The following FMNL2 variants were observed in gnomAD, a reference collection of about 807,000 sequenced individuals.
The protein encoded by FMNL2 is formin-like protein 2.
In FMNL2, 51 loss-of-function variants were observed where a neutral mutation model predicts 130.2. The observed-to-expected ratio is 0.39, with a 90% CI of 0.31 to 0.49. The LOEUF is 0.49. Ranked by LOEUF, FMNL2 falls within the 20% of genes least tolerant of loss-of-function variation. The pLI, the probability that FMNL2 is intolerant of heterozygous loss-of-function variation, is 0.85. For synonymous variants in FMNL2, 465 were observed against 467.1 expected, an observed-to-expected ratio of 1.00 and a Z score of 0.06; for missense variants, 977 against 1,316.2, an observed-to-expected ratio of 0.74 and a Z score of 3.99.
At position 152,603,399 on chromosome 2, in the gene FMNL2, G is replaced by GTTT. The variant is rs138427461; in HGVS notation, c.877-3925_877-3923dup. Among the ~76,000 whole-genome samples, 102 of 135,172 alleles carry GTTT rather than the reference G, an allele frequency of 7.5e-4. 3 individuals carry two copies. The South Asian group carries it at 8.8e-3, about 12-fold the overall frequency. The allele number at this position is 135,172 out of a possible 152,430, so 88.7% of individuals were successfully genotyped here. A position where few individuals can be genotyped will look rare whatever the true frequency, so the allele number is the denominator to read the frequency against. Reference sequence around the variant, plus strand: ...TGTAAATAAGAAGATATTTAAGTCTGTTTTTTTTTTTTTTTTTAAGATTAG... The same window carrying GTTT: ...TGTAAATAAGAAGATATTTAAGTCTGTTTTTTTTTTTTTTTTTTTTAAGATTAG... On this transcript the variant is annotated intron_variant, in intron 9 of 25. Coordinates refer to ENST00000288670, the MANE Select transcript of FMNL2 (RefSeq NM_052905.4).
At chr2:152,379,484 A>C (rs1362163632) in intron 1 of FMNL2, among the ~76,000 whole-genome samples, 1 of 152,200 alleles carries the variant, frequency 6.6e-6, no homozygotes, top group Non-Finnish European at 1.5e-5. Context: ...TGTTTAACTA[A>C]GCAAAGTGTT....
chr2:152,442,719 T>G (rs917212032), intron 1 of FMNL2, among the ~76,000 whole-genome samples: 1 of 152,350 alleles, frequency 6.6e-6, no homozygotes, highest in Non-Finnish European at 1.5e-5. Flanking sequence ...AATTTGACCT[T>G]TAATGTAGGA....
intron 1 of FMNL2, among the ~76,000 whole-genome samples, chr2:152,463,936 GTA>G (rs1279345102): frequency 6.6e-6 from 1 of 152,104 alleles, no homozygotes; most frequent in Non-Finnish European, 1.5e-5. Context: ...TTGTGTGTGT[GTA>G]TGTGTGTGTT....
At chr2:152,532,858 T>C (rs1387240158) in intron 2 of FMNL2, among the ~76,000 whole-genome samples, 1 of 152,198 alleles carries the variant, frequency 6.6e-6, no homozygotes, top group African/African-American at 2.4e-5. Flanking sequence ...TCCACCCGCC[T>C]TGGCCTCCCA....
At chr2:152,580,793 C>A (rs1372972665) in intron 8 of FMNL2, among the ~76,000 whole-genome samples, 163 bp from the exon 9 acceptor site, 1 of 152,112 alleles carries the variant, frequency 6.6e-6, no homozygotes, top group East Asian at 1.9e-4. Context: ...ATGTAGTAGT[C>A]AGTAAAGGTT....
At chr2:152,336,122 C>CAAA (rs779093251) in intron 1 of FMNL2, among the ~76,000 whole-genome samples, 12 of 137,232 alleles carry the variant, frequency 8.7e-5, no homozygotes, top group East Asian at 4.2e-4. Flanking sequence ...CAAAACAAAA[C>CAAA]ACCCTGAGCC....
At chr2:152,542,896 T>C (rs1694393059) in intron 3 of FMNL2, 77 bp downstream of exon 3, 2 of 1,486,812 alleles carry the variant, frequency 1.3e-6, no homozygotes, top group Non-Finnish European at 1.9e-6. Flanking sequence ...GGAAGAGACC[T>C]TCCTTCCTCT....
chr2:152,461,837 A>G lies in FMNL2; in HGVS notation c.118-60106A>G, dbSNP rs144581028. Among the ~76,000 whole-genome samples, 1,140 of 152,030 alleles carry G rather than the reference A, an allele frequency of 7.5e-3. 8 individuals are homozygous for G. The highest frequency in any genetic ancestry group is 0.013 in the Non-Finnish European group (912 of 68,018). ...TCTAATAGAACTTTCTGTGATGAAA[A>G]TGTGCAATGTTGGCACAGTCCAGTC... On this transcript the variant is annotated intron_variant, in intron 1 of 25. Coordinates refer to ENST00000288670, the MANE Select transcript of FMNL2 (RefSeq NM_052905.4).
chr2:152,543,328 A>G (rs556171630), intron 3 of FMNL2, among the ~76,000 whole-genome samples: 262 of 152,176 alleles, frequency 1.7e-3, no homozygotes, highest in African/African-American at 6.1e-3. Flanking sequence ...TCCATTCTCA[A>G]CAGACTCTCC....
At chr2:152,496,924 T>C (rs1691547050) in intron 1 of FMNL2, among the ~76,000 whole-genome samples, 1 of 152,050 alleles carries the variant, frequency 6.6e-6, no homozygotes, top group East Asian at 1.9e-4. Context: ...TTTCTTTTCC[T>C]GCTCCAGCCC....
At chr2:152,377,032 G>C (rs1193529984) in intron 1 of FMNL2, among the ~76,000 whole-genome samples, 2 of 152,212 alleles carry the variant, frequency 1.3e-5, no homozygotes, top group African/African-American at 4.8e-5. Context: ...ATAGATCTGG[G>C]ATGGAAGCCT....
At chr2:152,578,447 T>C (rs1696594121) in intron 7 of FMNL2, among the ~76,000 whole-genome samples, 1 of 152,212 alleles carries the variant, frequency 6.6e-6, no homozygotes, top group Non-Finnish European at 1.5e-5. Context: ...ATGTTTTGTT[T>C]AGTCTTCCAG....
At chr2:152,595,436 T>C (rs1462673516) in intron 9 of FMNL2, among the ~76,000 whole-genome samples, 1 of 152,160 alleles carries the variant, frequency 6.6e-6, no homozygotes, top group Non-Finnish European at 1.5e-5. Flanking sequence ...TTCTCATGCC[T>C]CAGGCTCCTG....
At position 152,618,953 on chromosome 2, in the gene FMNL2, G is replaced by T; in HGVS notation, c.1422G>T (p.Glu474Asp). ...RQSTLEKKIH[E>D]LEKQGTIKIQ... ...CTACCCTGGAAAAAAAGATTCATGA[G>T]CTAGAGAAACAAGGGACCATTAAAA... The change falls in exon 14 of 26, where the codon GAG becomes GAT. Residue 474 changes from glutamate to aspartate, a missense_variant. By Grantham distance (45) the Glu-to-Asp change is conservative (BLOSUM62 2). Coordinates refer to ENST00000288670, the MANE Select transcript of FMNL2 (RefSeq NM_052905.4). 6.2e-7 allele frequency: 1 copy of T among 1,614,050 alleles called. No individual in the cohort carries two copies. The highest frequency in any genetic ancestry group is 8.5e-7 in the Non-Finnish European group (1 of 1,179,902).
At chr2:152,408,663 C>T (rs1686127564) in intron 1 of FMNL2, among the ~76,000 whole-genome samples, 1 of 152,082 alleles carries the variant, frequency 6.6e-6, no homozygotes, top group Admixed American at 6.5e-5. Context: ...TATAGCTACC[C>T]TATGAAACAT....
At chr2:152,591,778 C>T (rs1207513158) in intron 9 of FMNL2, among the ~76,000 whole-genome samples, 2 of 152,164 alleles carry the variant, frequency 1.3e-5, no homozygotes, top group Non-Finnish European at 2.9e-5. Flanking sequence ...TGCACTCCAG[C>T]CTGGGCGACA....
At chr2:152,398,427 T>A (rs4664577) in intron 1 of FMNL2, among the ~76,000 whole-genome samples, 2,802 of 152,344 alleles carry the variant, frequency 0.018, 256 homozygotes, top group Admixed American at 0.16. Flanking sequence ...TATATATTGC[T>A]TGGTATACTT....
Position 152,527,869 on chromosome 2 carries a change from G to C in FMNL2, c.201+5843G>C, listed in dbSNP as rs115869905. ...CTTAACTTGTATCTTCTTTGCCCAG[G>C]CCCAGGATAAATCATTTCTCCAATG... On this transcript the variant is annotated intron_variant, in intron 2 of 25. Coordinates refer to ENST00000288670, the MANE Select transcript of FMNL2 (RefSeq NM_052905.4). 2.2e-3 allele frequency among the ~76,000 whole-genome samples: 327 copies of C among 152,056 alleles called. 3 individuals are homozygous for C. Among genetic ancestry groups the C allele is most frequent in the African/African-American group, 7.4e-3 (307 of 41,476 alleles).
intron 1 of FMNL2, among the ~76,000 whole-genome samples, chr2:152,338,818 G>GAC (rs767062578): frequency 1.2e-4 from 7 of 60,320 alleles, no homozygotes; most frequent in African/African-American, 3.0e-4. Context: ...TGGAAGGTGA[G>GAC]ATACACACAC....
Sources: gnomAD v4.1 joint callset for allele counts (sites outside exome capture counted in the v4.1 genomes callset) on GRCh38, gnomAD v4.1.1 for gene constraint, MANE v1.5 for transcripts, NCBI Gene and HGNC (gene_info 2026-07-23, HGNC 2026-07-21) for gene names.